Variants in UGT1A5 observed in about 807,000 individuals in gnomAD.
UGT1A5 encodes UDP-glucuronosyltransferase 1A5.
Under a neutral mutation model 40.3 loss-of-function variants are expected in UGT1A5, and 29 were observed. That is an observed-to-expected ratio of 0.72 (90% CI 0.54 to 0.98). The LOEUF (loss-of-function observed/expected upper bound fraction) is 0.98. Ranked by LOEUF, UGT1A5 falls within the 50% of genes least tolerant of loss-of-function variation. UGT1A5 has a pLI of 0.00. For missense variants in UGT1A5, 678 were observed against 677.9 expected (o/e 1.00, Z 0.00); for synonymous variants, 257 against 262.5 (o/e 0.98, Z 0.20).
At chr2:233,724,768 A>G (rs1231728471) in intron 1 of UGT1A5, among the ~76,000 whole-genome samples, 1 of 142,484 alleles carries the variant, frequency 7.0e-6, no homozygotes, top group Non-Finnish European at 1.5e-5. Context: ...GCGGCCAGGC[A>G]GAGACACTCC....
intron 1 of UGT1A5, chr2:233,752,209 A>G (rs544905621): frequency 1.3e-5 from 2 of 152,350 alleles, no homozygotes; most frequent in East Asian, 3.9e-4. Context: ...AACTCCAGCC[A>G]GAAAAAATAT....
At chr2:233,737,730 T>C (rs558595206) in intron 1 of UGT1A5, among the ~76,000 whole-genome samples, 10 of 152,254 alleles carry the variant, frequency 6.6e-5, no homozygotes, top group East Asian at 3.9e-4. Context: ...CCTTTTTTTT[T>C]CCTTTTCTCT....
intron 1 of UGT1A5, among the ~76,000 whole-genome samples, chr2:233,727,126 AG>A (rs2077585315): frequency 1.3e-5 from 2 of 152,202 alleles, no homozygotes; most frequent in Non-Finnish European, 2.9e-5. Flanking sequence ...AGATTGGCAG[AG>A]GGGAACAAGA....
At chr2:233,754,500 G>A (rs945598675) in intron 1 of UGT1A5, 52 of 356,130 alleles carry the variant, frequency 1.5e-4, no homozygotes, top group Admixed American at 3.0e-4. Flanking sequence ...AAAAAAGTCC[G>A]CTATTCCTCC....
chr2:233,718,957 A>T, intron 1 of UGT1A5: 1 of 1,614,184 alleles, frequency 6.2e-7, no homozygotes, highest in South Asian at 1.1e-5. Context: ...AGCATGCGGG[A>T]GGCCTTGCGG....
chr2:233,748,656 G>A (rs1055285615), intron 1 of UGT1A5, among the ~76,000 whole-genome samples: 3 of 151,770 alleles, frequency 2.0e-5, no homozygotes, highest in African/African-American at 4.9e-5. Context: ...ACTGAGTTCA[G>A]TTTCCAGAGA....
At chr2:233,725,207 GGCAGA>G (rs1192113071) in intron 1 of UGT1A5, among the ~76,000 whole-genome samples, 1 of 92,368 alleles carries the variant, frequency 1.1e-5, no homozygotes, top group African/African-American at 8.4e-5. Context: ...CAGAGGCAGA[GGCAGA>G]GGCAGAGGAG....
chr2:233,719,429 C>A, intron 1 of UGT1A5: 1 of 1,613,996 alleles, frequency 6.2e-7, no homozygotes, highest in Non-Finnish European at 8.5e-7. Context: ...CCAATTCAGA[C>A]CACATGACAT....
Position 233,769,609 on chromosome 2 carries a change from C to T in UGT1A5, c.1307+1170C>T, listed in dbSNP as rs776582226. The T allele has an allele frequency of 3.7e-6, 6 of 1,612,752 alleles. No individual in the cohort carries two copies. Among genetic ancestry groups the T allele is most frequent in the Non-Finnish European group, 5.1e-6 (6 of 1,179,862 alleles). On this transcript the variant is annotated intron_variant, in intron 4 of 4. Transcript: ENST00000373414. The surrounding 1 kb of genome is among the most constrained non-coding windows in gnomAD (Gnocchi z 4.4). ...AGAGGAGACGGAACACGGGGACACACCAGCTTGAGCAAGGGACAACAGGGG... is the reference window on the plus strand; with the variant it reads ...AGAGGAGACGGAACACGGGGACACATCAGCTTGAGCAAGGGACAACAGGGG...
chr2:233,725,676 T>G (rs889497108), intron 1 of UGT1A5, among the ~76,000 whole-genome samples: 6 of 152,226 alleles, frequency 3.9e-5, no homozygotes, highest in African/African-American at 9.6e-5. Flanking sequence ...TAGTCACATT[T>G]CAAGTGCTCA....
At position 233,767,022 on chromosome 2, in the gene UGT1A5, T is replaced by G. The variant is rs1433529256; in HGVS notation, c.868-12T>G. 2.5e-6 allele frequency: 4 copies of G among 1,613,876 alleles called. No homozygotes were observed. The African/African-American group carries it at 5.3e-5, about 22-fold the overall frequency. On this transcript the variant is annotated splice_polypyrimidine_tract_variant and intron_variant, in intron 1 of 4. Coordinates refer to ENST00000373414, the MANE Select transcript of UGT1A5 (RefSeq NM_019078.2). Reference sequence around the variant, plus strand: ...AGAAAAAATTAACTGAAAATTTTTCTTCTGGCTCTAGGAATTTGAAGCCTA... The same window carrying G: ...AGAAAAAATTAACTGAAAATTTTTCGTCTGGCTCTAGGAATTTGAAGCCTA...
chr2:233,748,596 G>C (rs905519077), intron 1 of UGT1A5, among the ~76,000 whole-genome samples: 5 of 151,812 alleles, frequency 3.3e-5, no homozygotes, highest in African/African-American at 1.2e-4. Flanking sequence ...CAGTTCAGTG[G>C]AAGTAGAGCA....
At chr2:233,760,542 G>A in intron 1 of UGT1A5, 1 of 1,614,262 alleles carries the variant, frequency 6.2e-7, no homozygotes, top group Non-Finnish European at 8.5e-7. Flanking sequence ...CATTCCAAAG[G>A]GAGGATGTGA....
chr2:233,726,610 C>T (rs1191468440), intron 1 of UGT1A5, among the ~76,000 whole-genome samples: 1 of 152,148 alleles, frequency 6.6e-6, no homozygotes, highest in Non-Finnish European at 1.5e-5. Context: ...TTACACTGTC[C>T]TGCCCAGATA....
At chr2:233,732,625 G>A (rs1018274304) in intron 1 of UGT1A5, among the ~76,000 whole-genome samples, 1 of 152,154 alleles carries the variant, frequency 6.6e-6, no homozygotes, top group African/African-American at 2.4e-5. Context: ...TAGATGTGTG[G>A]TGTTATTTCT....
At chr2:233,741,369 G>A (rs190389633) in intron 1 of UGT1A5, among the ~76,000 whole-genome samples, 1 of 151,798 alleles carries the variant, frequency 6.6e-6, no homozygotes, top group East Asian at 1.9e-4. Context: ...CAATGAAACT[G>A]CCCATGCCTT....
At chr2:233,718,098 A>C (rs577744512) in intron 1 of UGT1A5, 1 of 327,190 alleles carries the variant, frequency 3.1e-6, no homozygotes, top group East Asian at 7.5e-5. Flanking sequence ...TGTGTGCTTT[A>C]GACAGCAGCA....
chr2:233,743,701 C>G (rs13009407), intron 1 of UGT1A5: 330,777 of 1,367,248 alleles, frequency 0.24, 43,102 homozygotes, highest in South Asian at 0.3. Flanking sequence ...CGCCCTCCGC[C>G]CCCGCCTCGC....
intron 1 of UGT1A5, among the ~76,000 whole-genome samples, chr2:233,751,545 C>T (rs562388554): frequency 7.0e-4 from 106 of 152,320 alleles, no homozygotes; most frequent in Non-Finnish European, 1.4e-3. Context: ...TGTGTTTCCA[C>T]CCAAATCTCA....
Sources: gnomAD v4.1 joint callset for allele counts (sites outside exome capture counted in the v4.1 genomes callset) on GRCh38, gnomAD v4.1.1 for gene constraint, Gnocchi (gnomAD v3.1) non-coding constraint, MANE v1.5 for transcripts, NCBI Gene and HGNC (gene_info 2026-07-23, HGNC 2026-07-21) for gene names.